The following KCNN2 variants were observed in gnomAD, a reference collection of about 807,000 sequenced individuals.
KCNN2 encodes potassium calcium-activated channel subfamily N member 2.
A neutral mutation model predicts 55.5 loss-of-function variants in KCNN2; 24 were observed. The ratio of observed to expected loss-of-function variants is 0.43; its 90% confidence interval spans 0.31 to 0.61. The LOEUF is 0.61. Ranked by LOEUF, KCNN2 falls within the 20% of genes least tolerant of loss-of-function variation. The pLI is 0.08. For missense variants in KCNN2, 754 were observed against 853.6 expected (o/e 0.88, Z 1.45); for synonymous variants, 431 against 336.1 (o/e 1.28, Z -3.09).
chr5:114,412,367 G>A (rs1407512449), intron 3 of KCNN2, among the ~76,000 whole-genome samples: 3 of 152,130 alleles, frequency 2.0e-5, no homozygotes, highest in Non-Finnish European at 2.9e-5. Context: ...AACACCACAT[G>A]TATTCATTAC....
intron 1 of KCNN2, among the ~76,000 whole-genome samples, chr5:114,106,464 A>G (rs1034325804): frequency 6.6e-6 from 1 of 151,834 alleles, no homozygotes; most frequent in Non-Finnish European, 1.5e-5. Context: ...AAGTGGTTGT[A>G]TTATTTTAAA....
intron 1 of KCNN2, among the ~76,000 whole-genome samples, chr5:114,159,264 G>A (rs1015432453): frequency 3.9e-5 from 6 of 152,260 alleles, no homozygotes; most frequent in East Asian, 3.9e-4. Context: ...AGATAATCAT[G>A]TGGTTTTTAC....
chr5:114,278,100 C>T (rs1288644272), intron 2 of KCNN2, among the ~76,000 whole-genome samples: 1 of 152,172 alleles, frequency 6.6e-6, no homozygotes, highest in East Asian at 1.9e-4. Context: ...GACAGACTGT[C>T]CCCTCAGCTG....
intron 2 of KCNN2, among the ~76,000 whole-genome samples, chr5:114,283,342 A>G (rs1217659397): frequency 1.3e-5 from 2 of 152,030 alleles, no homozygotes; most frequent in African/African-American, 2.4e-5. Context: ...TGAGTGTTAA[A>G]TTTTTATTAT....
intron 2 of KCNN2, among the ~76,000 whole-genome samples, chr5:114,229,665 A>G: frequency 6.6e-6 from 1 of 152,212 alleles, no homozygotes; most frequent in East Asian, 1.9e-4. Context: ...TCAAATACAT[A>G]TTAAAATTTA....
intron 2 of KCNN2, among the ~76,000 whole-genome samples, chr5:114,261,366 C>T (rs1755105053): frequency 2.0e-5 from 3 of 152,134 alleles, no homozygotes; most frequent in South Asian, 2.1e-4. Flanking sequence ...CAGGTGAAGA[C>T]CTCAGCTTTG....
At chr5:114,096,557 G>A (rs752482403) in intron 1 of KCNN2, among the ~76,000 whole-genome samples, 1 of 152,050 alleles carries the variant, frequency 6.6e-6, no homozygotes, top group African/African-American at 2.4e-5. Context: ...AGGCGCTATG[G>A]TGCAGAATCC....
chr5:114,085,323 A>T (rs1387095910), intron 1 of KCNN2, among the ~76,000 whole-genome samples: 2 of 151,938 alleles, frequency 1.3e-5, no homozygotes, highest in Non-Finnish European at 2.9e-5. Context: ...CTGACATCTT[A>T]ATAATAATGA....
At chr5:114,108,544 A>G (rs1375408941) in intron 1 of KCNN2, among the ~76,000 whole-genome samples, 2 of 152,062 alleles carry the variant, frequency 1.3e-5, no homozygotes, top group African/African-American at 4.8e-5. Flanking sequence ...TCTAACACAC[A>G]TTTGACTTCT....
intron 3 of KCNN2, among the ~76,000 whole-genome samples, chr5:114,417,245 T>G (rs1229079919): frequency 2.0e-5 from 3 of 152,236 alleles, no homozygotes; most frequent in Admixed American, 2.0e-4. Flanking sequence ...TTATCTAATT[T>G]AATGGTGACC....
At chr5:114,079,506 G>C (rs751499126) in intron 1 of KCNN2, among the ~76,000 whole-genome samples, 1 of 152,122 alleles carries the variant, frequency 6.6e-6, no homozygotes, top group Admixed American at 6.6e-5. Context: ...CTCCTTTCTA[G>C]CTCTATGAGC....
At chr5:114,447,943 T>A (rs1212429035) in intron 3 of KCNN2, among the ~76,000 whole-genome samples, 1 of 152,152 alleles carries the variant, frequency 6.6e-6, no homozygotes, top group Admixed American at 6.5e-5. Flanking sequence ...TCTTTTCACC[T>A]TTTTTTCTGG....
intron 2 of KCNN2, among the ~76,000 whole-genome samples, chr5:114,373,657 T>TATATATATATATATATATATAA (rs1175218618): frequency 1.7e-5 from 2 of 117,642 alleles, no homozygotes; most frequent in African/African-American, 5.9e-5. Flanking sequence ...TATATATATA[T>TATATATATATATATATATATAA]AAAATTACTT....
At chr5:114,135,440 A>AC (rs1289412442) in intron 1 of KCNN2, among the ~76,000 whole-genome samples, 3 of 151,960 alleles carry the variant, frequency 2.0e-5, no homozygotes, top group East Asian at 3.9e-4. Flanking sequence ...AAATATTAAG[A>AC]CCCCCCAACC....
chr5:114,438,640 G>A (rs1760099087), intron 3 of KCNN2, among the ~76,000 whole-genome samples: 2 of 152,066 alleles, frequency 1.3e-5, no homozygotes, highest in Admixed American at 6.5e-5. Flanking sequence ...GCTTCCTCCT[G>A]TCCCCATTTG....
At chr5:114,220,913 G>A (rs1395857526) in intron 1 of KCNN2, among the ~76,000 whole-genome samples, 2 of 151,808 alleles carry the variant, frequency 1.3e-5, no homozygotes, top group Non-Finnish European at 2.9e-5. Context: ...CCTGGTATAT[G>A]TTCAAATAAG....
intron 2 of KCNN2, among the ~76,000 whole-genome samples, chr5:114,281,271 G>T (rs1227976104): frequency 1.3e-5 from 2 of 152,114 alleles, no homozygotes; most frequent in Non-Finnish European, 2.9e-5. Context: ...TATCCCTGAT[G>T]AATATGTCAG....
chr5:114,181,808 G>A (rs1233815879), intron 1 of KCNN2, among the ~76,000 whole-genome samples: 1 of 152,120 alleles, frequency 6.6e-6, no homozygotes, highest in Non-Finnish European at 1.5e-5. Context: ...CCTGAGGTCA[G>A]GAGTTCGAGA....
At chr5:114,148,183 G>C (rs1752443768) in intron 1 of KCNN2, among the ~76,000 whole-genome samples, 4 of 152,030 alleles carry the variant, frequency 2.6e-5, no homozygotes, top group Admixed American at 2.6e-4. Context: ...TTGTCTAAAG[G>C]AATATGAAAA....
Sources: allele counts gnomAD v4.1 joint callset (sites outside exome capture counted in the v4.1 genomes callset), GRCh38; gene constraint gnomAD v4.1.1; transcripts MANE v1.5; gene names NCBI Gene and HGNC (gene_info 2026-07-23, HGNC 2026-07-21).